COBLL1: variants seen among roughly 807,000 people sequenced by gnomAD.
COBLL1 encodes the protein cordon-bleu protein-like 1.
COBLL1 carries 50 observed loss-of-function variants against 94.8 expected under a neutral mutation model. The observed-to-expected ratio is 0.53, with a 90% CI of 0.42 to 0.67. The LOEUF (loss-of-function observed/expected upper bound fraction) is 0.67, where lower values mean the gene tolerates loss of function less well. Ranked by LOEUF, COBLL1 falls within the 30% of genes least tolerant of loss-of-function variation. COBLL1 has a pLI of 0.00. For missense variants in COBLL1, 1,362 were observed against 1,348.7 expected (o/e 1.01, Z -0.15); for synonymous variants, 448 against 473.8 (o/e 0.95, Z 0.71).
At position 164,664,955 on chromosome 2, in the gene COBLL1, C is replaced by T. The variant is rs1426461600; in HGVS notation, n.181+892G>A. 7.9e-5 allele frequency among the ~76,000 whole-genome samples: 12 copies of T among 152,036 alleles called. No individual in the cohort carries two copies. The East Asian group carries it at 2.3e-3, about 29-fold the overall frequency. Reference sequence around the variant, plus strand: ...GGTGCCTTTAAAAAAATACACAAAACAGGGTGAAAGAAAAAGTACATGAGA... The same window carrying T: ...GGTGCCTTTAAAAAAATACACAAAATAGGGTGAAAGAAAAAGTACATGAGA... On this transcript the variant is annotated intron_variant and non_coding_transcript_variant, in intron 2 of 2. Coordinates refer to the COBLL1 transcript ENST00000495084.
At chr2:164,673,679 AAAAT>A (rs1020742397) in intron 1 of COBLL1, among the ~76,000 whole-genome samples, 194 of 152,156 alleles carry the variant, frequency 1.3e-3, no homozygotes, top group African/African-American at 4.3e-3. Context: ...CAAAAAAATA[AAAAT>A]AAATAAATAA....
At chr2:164,752,255 A>G (rs151315638) in intron 2 of COBLL1, among the ~76,000 whole-genome samples, 1 of 152,250 alleles carries the variant, frequency 6.6e-6, no homozygotes, top group Non-Finnish European at 1.5e-5. Flanking sequence ...TGCCACCTCC[A>G]CATTCCAGAT....
At chr2:164,693,060 G>T (rs1043323214) in intron 12 of COBLL1, among the ~76,000 whole-genome samples, 1 of 152,066 alleles carries the variant, frequency 6.6e-6, no homozygotes, top group Non-Finnish European at 1.5e-5. Flanking sequence ...GATGTAAGTG[G>T]CATATGTTAT....
At chr2:164,673,605 C>T (rs896675373) in intron 1 of COBLL1, among the ~76,000 whole-genome samples, 4 of 151,944 alleles carry the variant, frequency 2.6e-5, no homozygotes, top group African/African-American at 9.7e-5. Flanking sequence ...AACCCAGGAG[C>T]GGAGGTTGTA....
intron 2 of COBLL1, among the ~76,000 whole-genome samples, chr2:164,805,809 G>A (rs949576462): frequency 1.1e-4 from 17 of 152,126 alleles, no homozygotes; most frequent in Admixed American, 2.0e-4. Context: ...GCAGGTTTTC[G>A]TGTGGACTTA....
rs1683154330 is a variant in COBLL1 at position 164,683,803 on chromosome 2, T to C, written c.*2143A>G. The C allele has an allele frequency of 6.6e-6, 1 of 152,180 alleles. No homozygotes were observed. Among genetic ancestry groups the C allele is most frequent in the Admixed American group, 6.6e-5 (1 of 15,258 alleles). 9.4% of individuals were successfully genotyped at this position (152,180 alleles called of 1,614,324 possible). On this transcript the variant is annotated 3_prime_UTR_variant, in exon 14 of 14. Coordinates refer to ENST00000652658, the MANE Select transcript of COBLL1 (RefSeq NM_001365672.2). ...GTATTCATGCTGACATATATAGCTC[T>C]AGCTTGTTCATTTGGACTGCTGTGT...
At chr2:164,734,995 TA>T (rs1189187496) in intron 3 of COBLL1, among the ~76,000 whole-genome samples, 1 of 151,916 alleles carries the variant, frequency 6.6e-6, no homozygotes, top group Non-Finnish European at 1.5e-5. Context: ...AATGAGATTA[TA>T]AAGGGCATTG....
intron 2 of COBLL1, chr2:164,800,673 T>C (rs767705854): frequency 1.5e-6 from 1 of 651,504 alleles, no homozygotes; most frequent in Non-Finnish European, 2.8e-6. Flanking sequence ...AATGGGTGAA[T>C]GGATAAAGAA....
intron 2 of COBLL1, among the ~76,000 whole-genome samples, chr2:164,770,396 T>C (rs766298374): frequency 8.5e-5 from 13 of 152,112 alleles, no homozygotes; most frequent in Non-Finnish European, 1.5e-4. Context: ...CACTAACTTA[T>C]CAAAAGAAAA....
At chr2:164,835,374 T>C (rs1406812092) in intron 2 of COBLL1, among the ~76,000 whole-genome samples, 1 of 152,206 alleles carries the variant, frequency 6.6e-6, no homozygotes, top group Admixed American at 6.5e-5. Context: ...ACAACATGTA[T>C]GACATTATGT....
chr2:164,814,990 T>G (rs553127609), intron 2 of COBLL1, among the ~76,000 whole-genome samples: 52 of 152,326 alleles, frequency 3.4e-4, no homozygotes, highest in Non-Finnish European at 6.9e-4. Flanking sequence ...CTTACCGTGT[T>G]GACTTCTTGA....
chr2:164,782,600 T>C (rs1181805621), intron 2 of COBLL1, among the ~76,000 whole-genome samples: 1 of 152,140 alleles, frequency 6.6e-6, no homozygotes, highest in Non-Finnish European at 1.5e-5. Flanking sequence ...ATAGTGGTGA[T>C]GGTTGCACAA....
chr2:164,829,254 A>T (rs1396417671), intron 2 of COBLL1, among the ~76,000 whole-genome samples: 1 of 152,140 alleles, frequency 6.6e-6, no homozygotes, highest in Non-Finnish European at 1.5e-5. Flanking sequence ...AGTGCTCCAC[A>T]AACAGTACCC....
chr2:164,705,608 T>C (rs1684548241), intron 7 of COBLL1, among the ~76,000 whole-genome samples: 1 of 152,200 alleles, frequency 6.6e-6, no homozygotes, highest in East Asian at 1.9e-4. Context: ...CCCGTGACTG[T>C]CAGCAGACCC....
intron 2 of COBLL1, among the ~76,000 whole-genome samples, chr2:164,834,717 A>T (rs1423150673): frequency 6.6e-6 from 1 of 152,220 alleles, no homozygotes; most frequent in Admixed American, 6.5e-5. Flanking sequence ...AAGCGGTTGG[A>T]GGATAATATG....
chr2:164,801,796 G>T (rs1683822614), intron 2 of COBLL1, among the ~76,000 whole-genome samples: 1 of 152,152 alleles, frequency 6.6e-6, no homozygotes, highest in Non-Finnish European at 1.5e-5. Context: ...ACAGGAGAAA[G>T]AAATCACACA....
intron 3 of COBLL1, among the ~76,000 whole-genome samples, chr2:164,738,943 CAT>C (rs1686458802): frequency 6.6e-6 from 1 of 152,088 alleles, no homozygotes; most frequent in Non-Finnish European, 1.5e-5. Flanking sequence ...CATACATACA[CAT>C]AGACATACAC....
intron 2 of COBLL1, among the ~76,000 whole-genome samples, chr2:164,769,899 C>T (rs1688125724): frequency 6.6e-6 from 1 of 152,100 alleles, no homozygotes; most frequent in African/African-American, 2.4e-5. Flanking sequence ...CAATATTAAT[C>T]AACTACACAT....
intron 2 of COBLL1, among the ~76,000 whole-genome samples, chr2:164,664,432 A>C (rs1326166360): frequency 6.6e-6 from 1 of 152,266 alleles, no homozygotes; most frequent in African/African-American, 2.4e-5. Flanking sequence ...GTTCAATATT[A>C]TATTTCTTAC....
Sources: allele counts gnomAD v4.1 joint callset (sites outside exome capture counted in the v4.1 genomes callset), GRCh38; gene constraint gnomAD v4.1.1; transcripts MANE v1.5; gene names NCBI Gene and HGNC (gene_info 2026-07-23, HGNC 2026-07-21).